The following GRIK1 variants were observed in gnomAD, a reference collection of about 807,000 sequenced individuals.
The protein encoded by GRIK1 is glutamate ionotropic receptor kainate type subunit 1.
In GRIK1, 69 loss-of-function variants were observed where a neutral mutation model predicts 105.7. The observed-to-expected ratio is 0.65, with a 90% CI of 0.54 to 0.80. GRIK1 has a LOEUF of 0.80. Ranked by LOEUF, GRIK1 falls within the 30% of genes least tolerant of loss-of-function variation. The pLI, the probability that GRIK1 is intolerant of heterozygous loss-of-function variation, is 0.00. For synonymous variants in GRIK1, 438 were observed against 431.3 expected, an observed-to-expected ratio of 1.02 and a Z score of -0.19; for missense variants, 1,109 against 1,167.3, an observed-to-expected ratio of 0.95 and a Z score of 0.73.
intron 1 of GRIK1, among the ~76,000 whole-genome samples, chr21:29,724,926 T>G (rs989972511): frequency 6.6e-6 from 1 of 151,916 alleles, no homozygotes; most frequent in Admixed American, 6.6e-5. Flanking sequence ...CAGTCGTGCT[T>G]AATTTCACTT....
At chr21:29,821,202 C>G (rs1004738228) in intron 1 of GRIK1, among the ~76,000 whole-genome samples, 1 of 151,948 alleles carries the variant, frequency 6.6e-6, no homozygotes, top group African/African-American at 2.4e-5. Flanking sequence ...ATACTGTATT[C>G]TTTCAATAAA....
At chr21:29,721,618 GGAA>G (rs1344408720) in intron 1 of GRIK1, among the ~76,000 whole-genome samples, 2 of 150,818 alleles carry the variant, frequency 1.3e-5, no homozygotes, top group Non-Finnish European at 1.5e-5. Context: ...AAAAAATAAA[GGAA>G]GAAGAAGAGG....
intron 3 of GRIK1, among the ~76,000 whole-genome samples, chr21:29,676,043 TAA>T (rs1301691973): frequency 1.3e-5 from 2 of 152,214 alleles, no homozygotes; most frequent in African/African-American, 4.8e-5. Flanking sequence ...AGGCCGTTAA[TAA>T]ACACACACCC....
chr21:29,580,274 T>C (rs914960229), intron 13 of GRIK1, among the ~76,000 whole-genome samples: 5 of 151,432 alleles, frequency 3.3e-5, no homozygotes, highest in African/African-American at 1.2e-4. Context: ...ATCCTAAAAA[T>C]TAAATACATG....
chr21:29,634,970 A>G (rs535256723), intron 7 of GRIK1, among the ~76,000 whole-genome samples: 9 of 152,326 alleles, frequency 5.9e-5, no homozygotes, highest in African/African-American at 2.2e-4. Context: ...TATGTGGACA[A>G]TAGTTACAAA....
intron 7 of GRIK1, among the ~76,000 whole-genome samples, chr21:29,634,087 A>G (rs1371171355): frequency 1.3e-5 from 2 of 152,184 alleles, no homozygotes; most frequent in East Asian, 3.8e-4. Context: ...TTTTTTACCC[A>G]GATCCCATAC....
chr21:29,709,346 T>A (rs1224792812), intron 1 of GRIK1, among the ~76,000 whole-genome samples: 1 of 146,428 alleles, frequency 6.8e-6, no homozygotes, highest in Non-Finnish European at 1.5e-5. Flanking sequence ...CGTGGTGCAA[T>A]CTCAACTCAC....
chr21:29,584,983 A>G (rs1047238759), intron 12 of GRIK1, among the ~76,000 whole-genome samples: 1 of 152,210 alleles, frequency 6.6e-6, no homozygotes, highest in Non-Finnish European at 1.5e-5. Context: ...AGTTGAAAGT[A>G]GAATCTTCAT....
At chr21:29,867,910 G>GAGAGAGAA (rs1210340492) in intron 1 of GRIK1, among the ~76,000 whole-genome samples, 7 of 108,416 alleles carry the variant, frequency 6.5e-5, no homozygotes, top group African/African-American at 2.5e-4. Flanking sequence ...GAGAAAGAAA[G>GAGAGAGAA]AGAGAGAAAG....
At chr21:29,789,077 A>G (rs911306675) in intron 1 of GRIK1, among the ~76,000 whole-genome samples, 6 of 152,244 alleles carry the variant, frequency 3.9e-5, no homozygotes, top group Non-Finnish European at 5.9e-5. Flanking sequence ...GGAAGTGGCT[A>G]TGTTAAACCT....
intron 1 of GRIK1, among the ~76,000 whole-genome samples, chr21:29,900,015 G>C (rs2070333096): frequency 6.7e-6 from 1 of 150,372 alleles, no homozygotes; most frequent in Non-Finnish European, 1.5e-5. Context: ...TTCTATGTAA[G>C]GAAAACTCAA....
chr21:29,716,620 T>C (rs996814751), intron 1 of GRIK1, among the ~76,000 whole-genome samples: 1 of 152,216 alleles, frequency 6.6e-6, no homozygotes. Context: ...AGCATTTTGC[T>C]CCTGCCCTAG....
At chr21:29,705,627 GA>G (rs1274815753) in intron 1 of GRIK1, among the ~76,000 whole-genome samples, 1 of 152,170 alleles carries the variant, frequency 6.6e-6, no homozygotes, top group Non-Finnish European at 1.5e-5. Context: ...TTCTTGATCA[GA>G]AATAAAACCT....
At chr21:29,728,059 C>CTT (rs1271067057) in intron 1 of GRIK1, among the ~76,000 whole-genome samples, 1 of 152,166 alleles carries the variant, frequency 6.6e-6, no homozygotes, top group Non-Finnish European at 1.5e-5. Flanking sequence ...GAGCAGTCTT[C>CTT]TTTACTCATC....
At chr21:29,721,356 G>T (rs1017320085) in intron 1 of GRIK1, among the ~76,000 whole-genome samples, 1 of 152,100 alleles carries the variant, frequency 6.6e-6, no homozygotes, top group Admixed American at 6.6e-5. Flanking sequence ...GGGGAACATT[G>T]TGGATGAAAA....
chr21:29,789,299 G>A (rs1436045344), intron 1 of GRIK1, among the ~76,000 whole-genome samples: 1 of 152,068 alleles, frequency 6.6e-6, no homozygotes, highest in African/African-American at 2.4e-5. Flanking sequence ...TGAACTATTG[G>A]TCCCCACTGA....
intron 1 of GRIK1, among the ~76,000 whole-genome samples, chr21:29,811,335 C>T (rs1389248010): frequency 6.6e-6 from 1 of 152,060 alleles, no homozygotes; most frequent in African/African-American, 2.4e-5. Context: ...CGTAATAACT[C>T]GTTAATGAGC....
intron 1 of GRIK1, among the ~76,000 whole-genome samples, chr21:29,812,054 A>G (rs1361152298): frequency 3.9e-5 from 6 of 152,118 alleles, no homozygotes; most frequent in African/African-American, 1.2e-4. Context: ...TTATTTCTAC[A>G]GGTCAGTTAC....
rs376305955 is a variant in GRIK1, at chr21:29,939,340, G to T, written c.118+43C>A. ...CCCGCTACACCCGCGTTGGTGCGGCGACCGACCACGTCTCCCGAGCAGGCA... is the reference window on the plus strand; with the variant it reads ...CCCGCTACACCCGCGTTGGTGCGGCTACCGACCACGTCTCCCGAGCAGGCA... On this transcript the variant is annotated intron_variant, in intron 1 of 17. Coordinates refer to ENST00000327783, the MANE Select transcript of GRIK1 (RefSeq NM_001330994.2). 7.8e-4 allele frequency: 928 copies of T among 1,184,632 alleles called. 2 individuals are homozygous for T. Among genetic ancestry groups the T allele is most frequent in the Non-Finnish European group, 1.0e-3 (853 of 814,076 alleles). The allele number at this position is 1,184,632 out of a possible 1,614,324, so 73.4% of individuals were successfully genotyped here.
Sources: allele counts gnomAD v4.1 joint callset (sites outside exome capture counted in the v4.1 genomes callset), GRCh38; gene constraint gnomAD v4.1.1; transcripts MANE v1.5; gene names NCBI Gene and HGNC (gene_info 2026-07-23, HGNC 2026-07-21).